DOP1A: variants seen among roughly 807,000 people sequenced by gnomAD.
DOP1A encodes protein DOP1A.
In DOP1A, 90 loss-of-function variants were observed where a neutral mutation model predicts 267.6. That is an observed-to-expected ratio of 0.34 (90% CI 0.28 to 0.40). The LOEUF (loss-of-function observed/expected upper bound fraction) is 0.40. Among genes scored for constraint, DOP1A ranks in the 10% least tolerant of loss-of-function variants. The probability of loss-of-function intolerance (pLI) is 1.00; values close to 1 mark genes in which losing one functional copy is unlikely to be tolerated. For missense variants in DOP1A, 2,437 were observed against 2,900.4 expected, an observed-to-expected ratio of 0.84 and a Z score of 3.67; for synonymous variants, 932 against 999.1, an observed-to-expected ratio of 0.93 and a Z score of 1.27.
chr6:83,138,773 G>A lies in DOP1A; in HGVS notation c.4731G>A (p.Thr1577=), dbSNP rs569011550. The change falls in exon 21 of 39, where the codon ACG becomes ACA. Residue 1577 remains threonine (T), a synonymous_variant. Transcript: ENST00000349129. Reference sequence around the variant, plus strand: ...AGGATGAATTTGACAATGGCAGCACGTTGCAGTCACAACTTCTTAAGGTGC... The same window carrying A: ...AGGATGAATTTGACAATGGCAGCACATTGCAGTCACAACTTCTTAAGGTGC... ...FSEDEFDNGS[T]LQSQLLKVLQ... The A allele has an allele frequency of 2.7e-5, 44 of 1,614,018 alleles. No individual in the cohort carries two copies. Among genetic ancestry groups the A allele is most frequent in the African/African-American group, 2.1e-4 (16 of 75,028 alleles).
chr6:83,155,083 T>C (rs754650183), intron 33 of DOP1A, among the ~76,000 whole-genome samples: 5 of 152,146 alleles, frequency 3.3e-5, no homozygotes, highest in African/African-American at 4.8e-5. Context: ...AAATAACAGC[T>C]AAATAGCTCA....
At chr6:83,086,336 T>C (rs1450709482) in intron 1 of DOP1A, among the ~76,000 whole-genome samples, 1 of 152,234 alleles carries the variant, frequency 6.6e-6, no homozygotes, top group Non-Finnish European at 1.5e-5. Context: ...ATATATGTAC[T>C]GTTCATTAAG....
intron 38 of DOP1A, chr6:83,166,351 A>C (rs1488782092): frequency 2.9e-6 from 2 of 692,786 alleles, no homozygotes; most frequent in African/African-American, 3.5e-5. Context: ...CCTCATCTTC[A>C]AGGCTCTAGT....
intron 4 of DOP1A, among the ~76,000 whole-genome samples, chr6:83,106,627 T>C (rs1189757782): frequency 6.6e-6 from 1 of 151,986 alleles, no homozygotes; most frequent in African/African-American, 2.4e-5. Flanking sequence ...CTGCCCAACA[T>C]GGTGAAACCT....
chr6:83,169,558 T>C (rs1412251284), downstream of DOP1A: 2 of 530,810 alleles, frequency 3.8e-6, no homozygotes, highest in Non-Finnish European at 6.8e-6. Context: ...CAATTCAGAT[T>C]ATAAAAATAG....
At chr6:83,099,743 C>G (rs949069471) in intron 3 of DOP1A, among the ~76,000 whole-genome samples, 8 of 147,872 alleles carry the variant, frequency 5.4e-5, no homozygotes, top group African/African-American at 2.0e-4. Context: ...CACACGTATA[C>G]ATATATATAC....
At chr6:83,113,143 C>T (rs756628042) in intron 6 of DOP1A, among the ~76,000 whole-genome samples, 180 bp from the exon 7 acceptor site, 17 of 152,154 alleles carry the variant, frequency 1.1e-4, no homozygotes, top group Admixed American at 4.6e-4. Context: ...TATAGTCTTA[C>T]GTACTTCTTA....
chr6:83,134,343 TC>T lies in DOP1A; in HGVS notation c.2870+58del, dbSNP rs374390574. On this transcript the variant is annotated intron_variant, in intron 19 of 38. Coordinates refer to ENST00000349129, the MANE Select transcript of DOP1A (RefSeq NM_015018.4). ...GTCATATATCTTAATGTTGCCTCTT[TC>T]CTTGAGTCCACTGTCTAGCTTGGCA... The T allele has an allele frequency of 7.9e-4, 1,138 of 1,441,052 alleles. 9 individuals carry two copies. The African/African-American group carries it at 0.015, about 19-fold the overall frequency. 89.3% of individuals were successfully genotyped at this position (1,441,052 alleles called of 1,614,324 possible).
intron 20 of DOP1A, 28 bp from the exon 21 acceptor site, chr6:83,137,144 CT>C: frequency 8.0e-6 from 12 of 1,499,060 alleles, no homozygotes; most frequent in Non-Finnish European, 1.1e-5. Flanking sequence ...TTGTATTTTT[CT>C]TCTTTTACTG....
chr6:83,067,677 C>A lies in DOP1A; in HGVS notation c.-249C>A, dbSNP rs1784883715. ...CGCCGGCGTGGGCGCGAGCACGGTG[C>A]ACTCTGGGAGCTGTCACTAGGCCCT... On this transcript the variant is annotated 5_prime_UTR_variant, in exon 1 of 39. Transcript: ENST00000349129. 1 of 151,738 alleles carries A rather than the reference C, an allele frequency of 6.6e-6. No individual in the cohort carries two copies. Among genetic ancestry groups the A allele is most frequent in the Non-Finnish European group, 1.5e-5 (1 of 68,026 alleles). 9.4% of individuals were successfully genotyped at this position (151,738 alleles called of 1,614,324 possible).
intron 16 of DOP1A, 44 bp downstream of exon 16, chr6:83,129,552 G>C (rs756091600): frequency 2.1e-6 from 3 of 1,402,762 alleles, no homozygotes; most frequent in Non-Finnish European, 2.8e-6. Flanking sequence ...ATTGTCTGTA[G>C]TATGTTTTTT....
chr6:83,120,719 G>A lies in DOP1A; in HGVS notation c.1027G>A (p.Glu343Lys), dbSNP rs1272494679. 3 of 1,586,440 alleles carry A rather than the reference G, an allele frequency of 1.9e-6. No individual in the cohort carries two copies. The highest frequency in any genetic ancestry group is 2.3e-5 in the South Asian group (2 of 87,396). ...VGILQVNGFG[E>K]ENTLMQDLKP... ...AATCTTACAAGTGAATGGATTTGGA[G>A]AAGAGAACACTCTAATGCAGGATCT... The change falls in exon 10 of 39, where the codon GAA (glutamate) becomes AAA (lysine). Residue 343 changes from glutamate (E) to lysine (K), a missense_variant. By Grantham distance (56) the Glu-to-Lys change is moderately conservative. This residue lies in a region of DOP1A where 498 missense variants were observed against 513.5 expected (regional missense o/e 0.97). Transcript: ENST00000349129.
intron 1 of DOP1A, among the ~76,000 whole-genome samples, chr6:83,071,720 A>G (rs887759068): frequency 7.2e-5 from 11 of 152,238 alleles, no homozygotes; most frequent in African/African-American, 2.7e-4. Context: ...TAGTAAAAAA[A>G]GTTACTTTAA....
At chr6:83,117,446 G>A (rs565802401) in intron 7 of DOP1A, among the ~76,000 whole-genome samples, 1 of 152,064 alleles carries the variant, frequency 6.6e-6, no homozygotes, top group African/African-American at 2.4e-5. Flanking sequence ...CACGGTGCCC[G>A]GCCACATCAG....
At position 83,125,623 on chromosome 6, in the gene DOP1A, T is replaced by C. The variant is rs1420975761; in HGVS notation, c.1609T>C (p.Ser537Pro). ...SELTDSLRLC[S>P]KILSKVQPPL... is the part of the protein sequence containing the mutation. ...ACTCACAGATTCTCTCAGACTCTGC[T>C]CAAAGATCCTTAGCAAGGTTCAGCC... Residue 537 changes from serine (S) to proline (P), a missense_variant, in exon 15 of 39, where the codon TCA (serine) becomes CCA (proline). This residue lies in a region of DOP1A where 498 missense variants were observed against 513.5 expected (regional missense o/e 0.97). Coordinates refer to ENST00000349129, the MANE Select transcript of DOP1A (RefSeq NM_015018.4). The C allele has an allele frequency of 1.2e-6, 2 of 1,613,868 alleles. No individual in the cohort carries two copies. Among genetic ancestry groups the C allele is most frequent in the Middle Eastern group, 1.6e-4 (1 of 6,062 alleles).
intron 25 of DOP1A, among the ~76,000 whole-genome samples, chr6:83,146,700 A>G (rs1286883347): frequency 1.3e-5 from 2 of 152,198 alleles, no homozygotes; most frequent in African/African-American, 4.8e-5. Flanking sequence ...CATCAATATC[A>G]TTCTCTGGCC....
downstream of DOP1A, chr6:83,169,592 T>A (rs2128474658): frequency 2.1e-6 from 1 of 472,930 alleles, no homozygotes; most frequent in African/African-American, 2.0e-5. Context: ...ACTGAAAAAA[T>A]TCAATAAAAC....
At chr6:83,158,705 A>G in intron 36 of DOP1A, 83 bp downstream of exon 36, 1 of 942,542 alleles carries the variant, frequency 1.1e-6, no homozygotes, top group Non-Finnish European at 1.6e-6. Flanking sequence ...CTAGGAGAAT[A>G]TAGTCTTTTT....
In DOP1A at chr6:83,159,805, G is replaced by A. The variant is rs998288958; in HGVS notation, c.6807G>A (p.Gly2269=). The A allele has an allele frequency of 1.2e-6, 2 of 1,614,014 alleles. No homozygotes were observed. The highest frequency in any genetic ancestry group is 2.2e-5 in the East Asian group (1 of 44,878). The stretch of plus-strand genomic sequence containing the variant: ...TGTCTCCTGCTTACAGGACTTCAGG[G>A]CCCTCTGTGGCTGGTCTGGAGACAA... ...TADEDISRTS[G]PSVAGLETTY... is the part of the protein sequence containing the mutation. Residue 2269 remains glycine (G), a synonymous_variant, in exon 37 of 39, where the codon GGG becomes GGA. Coordinates refer to ENST00000349129, the MANE Select transcript of DOP1A (RefSeq NM_015018.4).
Sources: allele counts gnomAD v4.1 joint callset (sites outside exome capture counted in the v4.1 genomes callset), GRCh38; gene constraint gnomAD v4.1.1; regional missense constraint gnomAD v4.1.1; transcripts MANE v1.5; gene names NCBI Gene and HGNC (gene_info 2026-07-23, HGNC 2026-07-21).